WIPI1: variants seen among roughly 807,000 people sequenced by gnomAD.
WIPI1 encodes the protein WD repeat domain, phosphoinositide interacting 1.
In WIPI1, 45 loss-of-function variants were observed where a neutral mutation model predicts 55.3. The observed-to-expected ratio is 0.81, with a 90% CI of 0.64 to 1.04. The LOEUF (loss-of-function observed/expected upper bound fraction) is 1.04, where lower values mean the gene tolerates loss of function less well. Ranked by LOEUF, WIPI1 falls within the 50% of genes least tolerant of loss-of-function variation. The pLI is 0.00. For synonymous variants in WIPI1, 195 were observed against 217.6 expected (o/e 0.90, Z 0.92); for missense variants, 445 against 559.0 (o/e 0.80, Z 2.06).
intron 4 of WIPI1, among the ~76,000 whole-genome samples, chr17:68,436,902 G>C (rs980220874): frequency 2.0e-5 from 3 of 152,068 alleles, no homozygotes; most frequent in Non-Finnish European, 4.4e-5. Context: ...GCTGAGGCAG[G>C]AGAATCGCTT....
At position 68,457,153 on chromosome 17, in the gene WIPI1, G is replaced by A. The variant is rs1271505541; in HGVS notation, c.80+189C>T. ...TGGGAGGACACTGGGAGTGGGGTGGGGTGGGGGGTGCGGCAAACCCCACTG... is the reference window on the plus strand; with the variant it reads ...TGGGAGGACACTGGGAGTGGGGTGGAGTGGGGGGTGCGGCAAACCCCACTG... On this transcript the variant is annotated intron_variant, in intron 1 of 12. Transcript: ENST00000262139. Among the ~76,000 whole-genome samples, 4 of 152,102 alleles carry A rather than the reference G, an allele frequency of 2.6e-5. No individual in the cohort carries two copies. In the East Asian group the frequency reaches 7.7e-4, roughly 29 times the overall value.
intron 7 of WIPI1, 48 bp from the exon 8 acceptor site, chr17:68,433,623 T>C: frequency 6.8e-7 from 1 of 1,479,352 alleles, no homozygotes; most frequent in Non-Finnish European, 9.4e-7. Context: ...AAATGGGAGT[T>C]ATGGCCTTAT....
At chr17:68,451,014 G>A (rs901488458) in intron 2 of WIPI1, 117 bp from the exon 3 acceptor site, 30 of 1,374,902 alleles carry the variant, frequency 2.2e-5, no homozygotes, top group African/African-American at 1.0e-4. Flanking sequence ...GGGTCTTGCC[G>A]GCCAGGCGCC....
chr17:68,454,271 T>C (rs1406312565), intron 1 of WIPI1, among the ~76,000 whole-genome samples: 1 of 152,196 alleles, frequency 6.6e-6, no homozygotes, highest in Non-Finnish European at 1.5e-5. Flanking sequence ...CTCACAGAAG[T>C]GTGCTTCTCT....
intron 4 of WIPI1, among the ~76,000 whole-genome samples, chr17:68,444,062 C>G (rs1439265132): frequency 6.6e-6 from 1 of 152,166 alleles, no homozygotes; most frequent in Admixed American, 6.5e-5. Context: ...AAAACATATT[C>G]TTTATGGTTC....
chr17:68,426,251 G>GGGGGGGGT, intron 11 of WIPI1, 76 bp from the exon 12 acceptor site: 5 of 825,456 alleles, frequency 6.1e-6, no homozygotes, highest in South Asian at 2.6e-5. Context: ...GTGGGGAGCG[G>GGGGGGGGT]GGGCTCAAAT....
At chr17:68,426,253 G>GGGGGGGGGGGGGGGGGGGGGGA in intron 11 of WIPI1, 78 bp from the exon 12 acceptor site, 1 of 841,018 alleles carries the variant, frequency 1.2e-6, no homozygotes, top group Non-Finnish European at 1.9e-6. Context: ...GGGGAGCGGG[G>GGGGGGGGGGGGGGGGGGGGGGA]GCTCAAATAA....
intron 11 of WIPI1, 78 bp from the exon 12 acceptor site, chr17:68,426,253 G>T: frequency 2.4e-6 from 2 of 841,012 alleles, no homozygotes. Context: ...GGGGAGCGGG[G>T]GCTCAAATAA....
In WIPI1 at chr17:68,428,878, T is replaced by C. The variant is rs775784132; in HGVS notation, c.1024A>G (p.Asn342Asp). Reference sequence around the variant, plus strand: ...TCTCCTCCATCCTGAGGATCCAAATTGTACATATAAAGGTGTCCACTGGAT... The same window carrying C: ...TCTCCTCCATCCTGAGGATCCAAATCGTACATATAAAGGTGTCCACTGGAT... Reference protein sequence around the residue: ...ASSSGHLYMYNLDPQDGGECV... With the variant: ...ASSSGHLYMYDLDPQDGGECV... Residue 342 changes from asparagine to aspartate, a missense_variant, in exon 10 of 13, where the codon AAT becomes GAT. By Grantham distance (23) the Asn-to-Asp change is conservative (BLOSUM62 1). Coordinates refer to ENST00000262139, the MANE Select transcript of WIPI1 (RefSeq NM_017983.7). 94 of 1,614,004 alleles carry C rather than the reference T, an allele frequency of 5.8e-5. No homozygotes were observed. The highest frequency in any genetic ancestry group is 7.5e-5 in the Non-Finnish European group (89 of 1,180,026).
intron 7 of WIPI1, among the ~76,000 whole-genome samples, chr17:68,434,153 T>C (rs931531045): frequency 2.6e-5 from 4 of 152,178 alleles, no homozygotes; most frequent in Admixed American, 2.6e-4. Flanking sequence ...CCTGGCATCT[T>C]GGAATCTTCC....
rs145054268 is a variant in WIPI1, at chr17:68,443,976, G to A, written c.430+517C>T. Among the ~76,000 whole-genome samples, 224 of 152,274 alleles carry A rather than the reference G, an allele frequency of 1.5e-3. 1 individual carries two copies. The highest frequency in any genetic ancestry group is 5.2e-3 in the African/African-American group (217 of 41,546). On this transcript the variant is annotated intron_variant, in intron 4 of 12. Transcript: ENST00000262139. The stretch of plus-strand genomic sequence containing the variant: ...ATACACCAGGAATGTATTAAATAGT[G>A]TTAAATCCCGAGAATTCAGTAAGGT...
rs542590863 is a variant in WIPI1 at position 68,457,214 on chromosome 17, G to A, written c.80+128C>T. The A allele has an allele frequency of 1.0e-4, 118 of 1,144,428 alleles. No individual in the cohort carries two copies. In the African/African-American group the frequency reaches 1.1e-3, roughly 11 times the overall value. The allele number at this position is 1,144,428 out of a possible 1,614,324, so 70.9% of individuals were successfully genotyped here. ...GGGATAACAAGATCCCAATGCGTCC[G>A]AAGCAGACACCGGCCCTCCCGCCGA... On this transcript the variant is annotated intron_variant, in intron 1 of 12. Transcript: ENST00000262139.
chr17:68,426,246 G>GGGGGTTGGTTTT, intron 11 of WIPI1, 71 bp from the exon 12 acceptor site: 1 of 894,424 alleles, frequency 1.1e-6, no homozygotes, highest in Non-Finnish European at 1.7e-6. Flanking sequence ...GGCGGGTGGG[G>GGGGGTTGGTTTT]AGCGGGGGCT....
chr17:68,437,678 G>C (rs1431490181), intron 4 of WIPI1, among the ~76,000 whole-genome samples: 1 of 152,138 alleles, frequency 6.6e-6, no homozygotes, highest in Non-Finnish European at 1.5e-5. Flanking sequence ...GGTGTGCCTA[G>C]ACATTGAGAC....
At chr17:68,434,913 A>C (rs929587663) in intron 6 of WIPI1, among the ~76,000 whole-genome samples, 1 of 152,052 alleles carries the variant, frequency 6.6e-6, no homozygotes, top group Non-Finnish European at 1.5e-5. Context: ...TTAGAATTTC[A>C]ATTTGAGGCC....
chr17:68,427,351 T>C (rs1452952544), intron 10 of WIPI1, 98 bp from the exon 11 acceptor site: 1 of 896,994 alleles, frequency 1.1e-6, no homozygotes, highest in Non-Finnish European at 1.8e-6. Context: ...TGTGCTCAGC[T>C]CTGTGGGTTA....
At chr17:68,424,026 G>T (rs192811717) in intron 12 of WIPI1, among the ~76,000 whole-genome samples, 98 of 152,276 alleles carry the variant, frequency 6.4e-4, no homozygotes, top group African/African-American at 2.3e-3. Flanking sequence ...GAGTGCTCTG[G>T]ATCCTGGAAG....
intron 6 of WIPI1, among the ~76,000 whole-genome samples, 156 bp from the exon 7 acceptor site, chr17:68,434,782 A>G (rs10445211): frequency 0.34 from 51,245 of 152,080 alleles, 8,895 homozygotes; most frequent in Admixed American, 0.47. Context: ...TATGTGCCAT[A>G]TCAACAATTC....
rs770558401 is a variant in WIPI1, at chr17:68,434,571, C to G, written c.677G>C (p.Arg226Pro). 6 of 1,613,834 alleles carry G rather than the reference C, an allele frequency of 3.7e-6. No homozygotes were observed. The highest frequency in any genetic ancestry group is 1.3e-5 in the African/African-American group (1 of 74,920). ...GAACACAGACCTTTTCATCCCTCTCCGGAACTCATAGAGCTTTTGCCCATC... is the reference window on the plus strand; with the variant it reads ...GAACACAGACCTTTTCATCCCTCTCGGGAACTCATAGAGCTTTTGCCCATC... ...VPDGQKLYEFRRGMKRYVTIS... is the reference protein window; with the variant it reads ...VPDGQKLYEFPRGMKRYVTIS... The change falls in exon 7 of 13, where the codon CGG becomes CCG. Residue 226 changes from arginine to proline, a missense_variant. Coordinates refer to ENST00000262139, the MANE Select transcript of WIPI1 (RefSeq NM_017983.7).
Sources: gnomAD v4.1 joint callset for allele counts (sites outside exome capture counted in the v4.1 genomes callset) on GRCh38, gnomAD v4.1.1 for gene constraint, MANE v1.5 for transcripts, NCBI Gene and HGNC (gene_info 2026-07-23, HGNC 2026-07-21) for gene names.